CDK5RAP3: variants seen among roughly 807,000 people sequenced by gnomAD.
CDK5RAP3 encodes CDK5 regulatory subunit associated protein 3, also known as CDK5 regulatory subunit-associated protein 3.
A neutral mutation model predicts 73.3 loss-of-function variants in CDK5RAP3; 58 were observed. The observed-to-expected ratio is 0.79, with a 90% CI of 0.64 to 0.98. The LOEUF (loss-of-function observed/expected upper bound fraction) is 0.98. Ranked by LOEUF, CDK5RAP3 falls within the 50% of genes least tolerant of loss-of-function variation. CDK5RAP3 has a pLI of 0.00. For missense variants in CDK5RAP3, 525 were observed against 615.8 expected, an observed-to-expected ratio of 0.85 and a Z score of 1.56; for synonymous variants, 224 against 247.5, an observed-to-expected ratio of 0.91 and a Z score of 0.89.
chr17:47,979,115 C>T lies in CDK5RAP3; in HGVS notation c.1077+198C>T, dbSNP rs35848720. 8.8e-3 allele frequency: 4,947 copies of T among 564,386 alleles called. 182 individuals carry two copies. Among genetic ancestry groups the T allele is most frequent in the African/African-American group, 0.083 (4,444 of 53,346 alleles). The allele number at this position is 564,386 out of a possible 1,614,324, so 35.0% of individuals were successfully genotyped here. A position where few individuals can be genotyped will look rare whatever the true frequency, so the allele number is the denominator to read the frequency against. Reference sequence around the variant, plus strand: ...GGTACCTCCTAGGCACCTGGCACTACCTTAGGCACCAGAACTTGGGTGGTG... The same window carrying T: ...GGTACCTCCTAGGCACCTGGCACTATCTTAGGCACCAGAACTTGGGTGGTG... On this transcript the variant is annotated intron_variant, in intron 11 of 13. Transcript: ENST00000338399.
intron 2 of CDK5RAP3, among the ~76,000 whole-genome samples, chr17:47,972,593 G>A (rs1250591753): frequency 6.6e-6 from 1 of 151,984 alleles, no homozygotes; most frequent in Admixed American, 6.6e-5. Flanking sequence ...TGGCCCTTCA[G>A]CCCATGTGCA....
In CDK5RAP3 at chr17:47,973,953, A is replaced by G; in HGVS notation, c.207A>G (p.Leu69=). ...SGSYIHYFHC[L]RILDLLKGTE... Reference sequence around the variant, plus strand: ...TAGACATTCACTACTTTCACTGCCTAAGAATCCTGGACCTTCTCAAAGGCA... The same window carrying G: ...TAGACATTCACTACTTTCACTGCCTGAGAATCCTGGACCTTCTCAAAGGCA... The change falls in exon 4 of 14, where the codon CTA becomes CTG. Residue 69 remains leucine, a synonymous_variant. Coordinates refer to ENST00000338399, the MANE Select transcript of CDK5RAP3 (RefSeq NM_176096.3). 5.6e-6 allele frequency: 9 copies of G among 1,613,912 alleles called. No homozygotes were observed. Among genetic ancestry groups the G allele is most frequent in the Non-Finnish European group, 7.6e-6 (9 of 1,179,766 alleles).
chr17:47,975,497 T>C lies in CDK5RAP3; in HGVS notation c.514-17T>C. The C allele has an allele frequency of 6.2e-7, 1 of 1,610,242 alleles. No homozygotes were observed. Among genetic ancestry groups the C allele is most frequent in the Non-Finnish European group, 8.5e-7 (1 of 1,180,016 alleles). ...TTTCTTCAATCTGTTGGACTCCACC[T>C]CTTCTCCCCTCTCTAGGGCGAAAAT... On this transcript the variant is annotated splice_polypyrimidine_tract_variant and intron_variant, in intron 6 of 13. Transcript: ENST00000338399.
intron 2 of CDK5RAP3, among the ~76,000 whole-genome samples, chr17:47,972,464 C>T (rs933995546): frequency 1.3e-5 from 2 of 152,124 alleles, no homozygotes; most frequent in Non-Finnish European, 2.9e-5. Flanking sequence ...GTGTGGGACC[C>T]CAGCGTTTGA....
At position 47,976,391 on chromosome 17, in the gene CDK5RAP3, G is replaced by A. The variant is rs1334297515; in HGVS notation, c.799-321G>A. 1.0e-4 allele frequency: 38 copies of A among 368,456 alleles called. 1 individual carries two copies. The highest frequency in any genetic ancestry group is 9.4e-4 in the South Asian group (34 of 36,134). 22.8% of individuals were successfully genotyped at this position (368,456 alleles called of 1,614,324 possible). A position where few individuals can be genotyped will look rare whatever the true frequency, so the allele number is the denominator to read the frequency against. ...TAATTTATTTTTGAGACTGGGCCTTGCTCTGTTGCCCAGGCTGGAGTGCAG... is the reference window on the plus strand; with the variant it reads ...TAATTTATTTTTGAGACTGGGCCTTACTCTGTTGCCCAGGCTGGAGTGCAG... On this transcript the variant is annotated intron_variant, in intron 8 of 13. Coordinates refer to ENST00000338399, the MANE Select transcript of CDK5RAP3 (RefSeq NM_176096.3).
chr17:47,978,010 C>A, intron 10 of CDK5RAP3, 100 bp downstream of exon 10: 1 of 793,764 alleles, frequency 1.3e-6, no homozygotes, highest in Non-Finnish European at 2.1e-6. Context: ...AGGCTTCTTG[C>A]ACATTTAACT....
At chr17:47,974,374 A>G in intron 4 of CDK5RAP3, 26 bp from the exon 5 acceptor site, 1 of 1,602,098 alleles carries the variant, frequency 6.2e-7, no homozygotes, top group East Asian at 2.2e-5. Flanking sequence ...TTTCTGGCTT[A>G]ACATTGTTTT....
rs989628016 is a variant in CDK5RAP3, at chr17:47,975,426, C to T, written c.514-88C>T. ...CCCGTCTGACCCCTCAGCCTGGTTG[C>T]ACCCCCTTTGGGCCAGTGTCTTACT... On this transcript the variant is annotated intron_variant, in intron 6 of 13. Coordinates refer to ENST00000338399, the MANE Select transcript of CDK5RAP3 (RefSeq NM_176096.3). 4.0e-5 allele frequency: 65 copies of T among 1,605,594 alleles called. No individual in the cohort carries two copies. In the Admixed American group the frequency reaches 4.5e-4, roughly 11 times the overall value.
At chr17:47,970,654 A>G (rs546692339), upstream of CDK5RAP3, 341 of 1,535,590 alleles carry the variant, frequency 2.2e-4, 4 homozygotes, top group South Asian at 3.8e-3. Flanking sequence ...TGAGGAGGCA[A>G]AGCATGACAA....
intron 11 of CDK5RAP3, 25 bp downstream of exon 11, chr17:47,978,942 G>C (rs1598228968): frequency 6.3e-7 from 1 of 1,578,344 alleles, no homozygotes; most frequent in Admixed American, 1.7e-5. Flanking sequence ...GGAAGATGCA[G>C]GGGGGAGGCA....
In CDK5RAP3 at chr17:47,981,265, TGAG is replaced by T. The variant is rs1393222410; in HGVS notation, c.1390_1392del (p.Glu464del). The T allele has an allele frequency of 2.5e-6, 4 of 1,614,180 alleles. No individual in the cohort carries two copies. Among genetic ancestry groups the T allele is most frequent in the Non-Finnish European group, 2.5e-6 (3 of 1,180,016 alleles). On this transcript the variant is annotated inframe_deletion, in exon 13 of 14. Coordinates refer to ENST00000338399, the MANE Select transcript of CDK5RAP3 (RefSeq NM_176096.3). ...TGGTGCAGAAGCAGCAGGAGGCACTTGAGGAGCAGGCGGCTCTGGAGCCTAAGC... is the reference window on the plus strand; with the variant it reads ...TGGTGCAGAAGCAGCAGGAGGCACTTGAGCAGGCGGCTCTGGAGCCTAAGC...
At chr17:47,980,839 A>G (rs2036536574) in intron 12 of CDK5RAP3, 41 bp downstream of exon 12, 1 of 1,583,220 alleles carries the variant, frequency 6.3e-7, no homozygotes, top group Non-Finnish European at 8.7e-7. Flanking sequence ...CATCTTGAGC[A>G]GCTCTGCCTC....
Position 47,981,778 on chromosome 17 carries a change from A to T in CDK5RAP3, c.*276A>T, listed in dbSNP as rs1339690132. Reference sequence around the variant, plus strand: ...TAAAAGAGGAAAAAACTCTTGCTTCAGTACTGACAGTTCCTTATGCTGCTT... The same window carrying T: ...TAAAAGAGGAAAAAACTCTTGCTTCTGTACTGACAGTTCCTTATGCTGCTT... On this transcript the variant is annotated 3_prime_UTR_variant, in exon 14 of 14. Coordinates refer to ENST00000338399, the MANE Select transcript of CDK5RAP3 (RefSeq NM_176096.3). The T allele has an allele frequency of 7.1e-7, 1 of 1,398,684 alleles. No homozygotes were observed. The highest frequency in any genetic ancestry group is 9.5e-7 in the Non-Finnish European group (1 of 1,050,868). 86.6% of individuals were successfully genotyped at this position (1,398,684 alleles called of 1,614,324 possible). A position where few individuals can be genotyped will look rare whatever the true frequency, so the allele number is the denominator to read the frequency against.
rs768873249 is a variant in CDK5RAP3 at position 47,975,331 on chromosome 17, C to T, written c.507C>T (p.Gly169=). Residue 169 remains glycine, a synonymous_variant, in exon 6 of 14, where the codon GGC becomes GGT. Transcript: ENST00000338399. ...EQFYHSCKQY[G]ITGENVRGEL... ...TCTACCACTCCTGCAAGCAGTATGG[C>T]ATCACGGTGAGCGGCGGCAGCCTCT... 8.1e-6 allele frequency: 13 copies of T among 1,613,694 alleles called. No individual in the cohort carries two copies. The highest frequency in any genetic ancestry group is 6.6e-5 in the South Asian group (6 of 91,078).
chr17:47,976,726 CTT>C lies in CDK5RAP3; in HGVS notation c.815_816del (p.Phe272TrpfsTer7). ...TCCCTTTCCAGATTGACTGGGGCGA[CTT>C]TGGGGTAGAGGCAGTGTCTGAGGGG... ...VAEDAIDWGD[F>X]GVEAVSEGTD... On this transcript the variant is annotated frameshift_variant, in exon 9 of 14. Coordinates refer to ENST00000338399, the MANE Select transcript of CDK5RAP3 (RefSeq NM_176096.3). LOFTEE classifies it high-confidence loss of function. 5 of 1,611,940 alleles carry C rather than the reference CTT, an allele frequency of 3.1e-6. No homozygotes were observed. Among genetic ancestry groups the C allele is most frequent in the Non-Finnish European group, 4.2e-6 (5 of 1,178,696 alleles).
intron 2 of CDK5RAP3, 123 bp downstream of exon 2, chr17:47,971,530 G>C: frequency 1.1e-6 from 1 of 926,660 alleles, no homozygotes; most frequent in Non-Finnish European, 1.6e-6. Flanking sequence ...CACTGGCCTC[G>C]TTCTATGCCC....
chr17:47,968,118 C>G (rs7406338), upstream of CDK5RAP3, among the ~76,000 whole-genome samples: 99,074 of 151,872 alleles, frequency 0.65, 33,287 homozygotes, highest in East Asian at 0.75. Context: ...CAGACAGCCC[C>G]GAGCACATAG....
At chr17:47,974,292 T>G in intron 4 of CDK5RAP3, 108 bp from the exon 5 acceptor site, 1 of 995,406 alleles carries the variant, frequency 1.0e-6, no homozygotes, top group African/African-American at 1.6e-5. Flanking sequence ...GGAGTTTGTG[T>G]TTGATGTGAT....
rs1011913111 is a variant in CDK5RAP3, at chr17:47,981,445, T to C, written c.1464T>C (p.Ala488=). 6.2e-7 allele frequency: 1 copy of C among 1,614,130 alleles called. No individual in the cohort carries two copies. Among genetic ancestry groups the C allele is most frequent in the African/African-American group, 1.3e-5 (1 of 74,946 alleles). ...KTKELQKLIE[A]DISKRYSGRP... is the part of the protein sequence containing the mutation. ...TGGTATCACTCTTTCAGATTGAAGC[T>C]GACATCTCCAAGAGGTACAGCGGGC... is the stretch of plus-strand genomic sequence containing the variant. Residue 488 remains alanine, a synonymous_variant, in exon 14 of 14, where the codon GCT becomes GCC. Transcript: ENST00000338399.
Sources: gnomAD v4.1 joint callset for allele counts (sites outside exome capture counted in the v4.1 genomes callset) on GRCh38, gnomAD v4.1.1 for gene constraint, MANE v1.5 for transcripts, NCBI Gene and HGNC (gene_info 2026-07-23, HGNC 2026-07-21) for gene names.